ARHGAP6: variants seen among roughly 807,000 people sequenced by gnomAD.
ARHGAP6 encodes Rho GTPase activating protein 6.
A neutral mutation model predicts 55.7 loss-of-function variants in ARHGAP6; 16 were observed. The ratio of observed to expected loss-of-function variants is 0.29; its 90% CI spans 0.19 to 0.44. ARHGAP6 has a LOEUF of 0.44. Ranked by LOEUF, ARHGAP6 falls within the 20% of genes least tolerant of loss-of-function variation. The pLI is 1.00. For synonymous variants in ARHGAP6, 382 were observed against 360.9 expected (o/e 1.06, Z -0.66); for missense variants, 698 against 808.9 (o/e 0.86, Z 1.66).
intron 1 of ARHGAP6, among the ~76,000 whole-genome samples, chrX:11,515,080 A>G (rs1205564702): frequency 8.9e-6 from 1 of 111,905 alleles, no homozygotes; most frequent in African/African-American, 3.3e-5. Flanking sequence ...GGGTGTACAC[A>G]GGCTCAGCAA....
intron 1 of ARHGAP6, among the ~76,000 whole-genome samples, chrX:11,450,547 C>A (rs1012976776): frequency 9.0e-6 from 1 of 111,506 alleles, no homozygotes; most frequent in Non-Finnish European, 1.9e-5. Flanking sequence ...CTTTGTAATG[C>A]ACGTTCTTCC....
chrX:11,357,219 T>C (rs2048942043), intron 1 of ARHGAP6, among the ~76,000 whole-genome samples: 1 of 112,112 alleles, frequency 8.9e-6, no homozygotes, highest in Non-Finnish European at 1.9e-5. Flanking sequence ...ATTGTGCTTA[T>C]GGACCGACCC....
chrX:11,596,743 T>C (rs998648191), intron 1 of ARHGAP6, among the ~76,000 whole-genome samples: 4 of 111,301 alleles, frequency 3.6e-5, no homozygotes, highest in African/African-American at 1.3e-4. Flanking sequence ...TTCTAAATTC[T>C]CTGGTCTCAT....
intron 1 of ARHGAP6, among the ~76,000 whole-genome samples, chrX:11,352,010 T>C (rs1324387712): frequency 1.8e-5 from 2 of 112,589 alleles, no homozygotes; most frequent in African/African-American, 6.5e-5. Flanking sequence ...ATGTGATCTG[T>C]TCCATGGCAA....
chrX:11,381,164 GCAATATCATC>G (rs2049258589), intron 1 of ARHGAP6, among the ~76,000 whole-genome samples: 1 of 112,562 alleles, frequency 8.9e-6, no homozygotes, highest in South Asian at 3.6e-4. Flanking sequence ...TTTCTATGAG[GCAATATCATC>G]CAAACTCTGT....
chrX:11,625,095 A>C (rs1392261373), intron 1 of ARHGAP6, among the ~76,000 whole-genome samples: 1 of 112,007 alleles, frequency 8.9e-6, no homozygotes, highest in African/African-American at 3.2e-5. Context: ...GGAAAACAAT[A>C]TGAATTTTCA....
At position 11,276,642 on chromosome X, in the gene ARHGAP6, G is replaced by GC. The variant is rs200994496; in HGVS notation, c.589-21936dup. On this transcript the variant is annotated intron_variant, in intron 1 of 12. Coordinates refer to ENST00000337414, the MANE Select transcript of ARHGAP6 (RefSeq NM_013427.3). The stretch of plus-strand genomic sequence containing the variant: ...AAATGCAGGTATGACGTGAAAACAA[G>GC]CCATCTGCACTTACTGGTTCACATC... Among the ~76,000 whole-genome samples, 635 of 111,622 alleles carry GC rather than the reference G, an allele frequency of 5.7e-3. 3 individuals are homozygous for GC. The highest frequency in any genetic ancestry group is 0.02 in the African/African-American group (606 of 30,715).
At chrX:11,644,526 T>C (rs1028233604) in intron 1 of ARHGAP6, among the ~76,000 whole-genome samples, 1 of 111,132 alleles carries the variant, frequency 9.0e-6, no homozygotes, top group South Asian at 3.8e-4. Flanking sequence ...GCAAAGGTCT[T>C]GAACAGACCC....
intron 1 of ARHGAP6, among the ~76,000 whole-genome samples, chrX:11,466,783 C>T: frequency 8.9e-6 from 1 of 112,020 alleles, no homozygotes; most frequent in Non-Finnish European, 1.9e-5. Context: ...ATATTACAGG[C>T]ATGAGCCACC....
chrX:11,344,426 A>G (rs1356710708), intron 1 of ARHGAP6, among the ~76,000 whole-genome samples: 1 of 110,520 alleles, frequency 9.0e-6, no homozygotes, highest in African/African-American at 3.3e-5. Flanking sequence ...TAATCACAAC[A>G]CTTTGGGAGG....
intron 1 of ARHGAP6, among the ~76,000 whole-genome samples, chrX:11,353,979 C>T (rs1250198250): frequency 9.0e-6 from 1 of 110,874 alleles, no homozygotes; most frequent in Admixed American, 9.6e-5. Flanking sequence ...TGATTATCTC[C>T]AAGCTACCAA....
chrX:11,521,516 T>C (rs2050926766), intron 1 of ARHGAP6, among the ~76,000 whole-genome samples: 1 of 112,074 alleles, frequency 8.9e-6, no homozygotes, highest in South Asian at 3.7e-4. Flanking sequence ...CATTGGTCTG[T>C]ATCTCTGTTT....
At chrX:11,495,729 A>G (rs2050615502) in intron 1 of ARHGAP6, among the ~76,000 whole-genome samples, 1 of 112,053 alleles carries the variant, frequency 8.9e-6, no homozygotes, top group African/African-American at 3.2e-5. Context: ...GAGCTGGTCT[A>G]CCCAAATATG....
At chrX:11,328,754 AC>A (rs1406966572) in intron 1 of ARHGAP6, among the ~76,000 whole-genome samples, 2 of 112,256 alleles carry the variant, frequency 1.8e-5, no homozygotes, top group Non-Finnish European at 3.8e-5. Flanking sequence ...TTTTTTCACC[AC>A]CAAAAACTTT....
intron 1 of ARHGAP6, among the ~76,000 whole-genome samples, chrX:11,436,932 G>A (rs912069738): frequency 2.7e-5 from 3 of 110,872 alleles, no homozygotes. Flanking sequence ...TTTACAGGGT[G>A]ATGAAAATGT....
At chrX:11,567,050 G>A (rs1226889317) in intron 1 of ARHGAP6, among the ~76,000 whole-genome samples, 1 of 112,192 alleles carries the variant, frequency 8.9e-6, no homozygotes, top group Non-Finnish European at 1.9e-5. Context: ...AGTCCCTGAT[G>A]CAGTCTGGCC....
intron 1 of ARHGAP6, among the ~76,000 whole-genome samples, chrX:11,589,901 C>T (rs1453877356): frequency 1.8e-5 from 2 of 112,200 alleles, no homozygotes; most frequent in African/African-American, 6.5e-5. Flanking sequence ...GACAAACTCA[C>T]TCATGCTCCC....
At chrX:11,599,907 G>A (rs1051889711) in intron 1 of ARHGAP6, among the ~76,000 whole-genome samples, 6 of 112,174 alleles carry the variant, frequency 5.3e-5, no homozygotes, top group Non-Finnish European at 9.4e-5. Flanking sequence ...ACACAAAAAG[G>A]AAACACAGCA....
At chrX:11,332,703 A>G (rs1022871136) in intron 1 of ARHGAP6, among the ~76,000 whole-genome samples, 1 of 112,443 alleles carries the variant, frequency 8.9e-6, no homozygotes, top group African/African-American at 3.2e-5. Flanking sequence ...AACATCTTTC[A>G]TGACTATAGT....
Sources: allele counts gnomAD v4.1 joint callset (sites outside exome capture counted in the v4.1 genomes callset), GRCh38; gene constraint gnomAD v4.1.1; transcripts MANE v1.5; gene names NCBI Gene and HGNC (gene_info 2026-07-23, HGNC 2026-07-21).